The following PSEN1 variants were observed in gnomAD, a reference collection of about 807,000 sequenced individuals.
PSEN1 encodes the protein presenilin-1.
PSEN1 carries 15 observed loss-of-function variants against 53.5 expected under a neutral mutation model. The observed-to-expected ratio is 0.28, with a 90% CI of 0.19 to 0.43. The LOEUF is 0.43. Ranked by LOEUF, PSEN1 falls within the 20% of genes least tolerant of loss-of-function variation. PSEN1 has a pLI of 1.00. For missense variants in PSEN1, 387 were observed against 571.2 expected (o/e 0.68, Z 3.29); for synonymous variants, 208 against 209.8 (o/e 0.99, Z 0.08).
Position 73,222,154 on chromosome 14 carries a change from C to G in PSEN1, c.*2865C>G, listed in dbSNP as rs886050679. The G allele has an allele frequency of 6.6e-6, 1 of 152,158 alleles. No homozygotes were observed. Among genetic ancestry groups the G allele is most frequent in the Non-Finnish European group, 1.5e-5 (1 of 68,028 alleles). 9.4% of individuals were successfully genotyped at this position (152,158 alleles called of 1,614,324 possible). The stretch of plus-strand genomic sequence containing the variant: ...AGGTTCGTGTGTGTTCCTAGAATCA[C>G]AGCTCTGACTCCAAATGACTCAATT... On this transcript the variant is annotated 3_prime_UTR_variant, in exon 12 of 12. Transcript: ENST00000324501.
At chr14:73,179,201 C>G (rs1000309702) in intron 5 of PSEN1, among the ~76,000 whole-genome samples, 1 of 152,216 alleles carries the variant, frequency 6.6e-6, no homozygotes, top group Non-Finnish European at 1.5e-5. Flanking sequence ...GCCCCACTCT[C>G]TCGGGACTGA....
intron 1 of PSEN1, among the ~76,000 whole-genome samples, chr14:73,145,134 C>T (rs80024836): frequency 0.085 from 12,828 of 151,462 alleles, 637 homozygotes; most frequent in South Asian, 0.19. Context: ...CTCAAATGAT[C>T]TGTGTGCCTC....
Position 73,200,777 on chromosome 14 carries a change from G to A in PSEN1, c.868+2648G>A, listed in dbSNP as rs373483727. ...GTTTCAAGAAGGAGAGAGGCTGGGCGTGGTGGCTAACACCTGTAATCCCAG... is the reference window on the plus strand; with the variant it reads ...GTTTCAAGAAGGAGAGAGGCTGGGCATGGTGGCTAACACCTGTAATCCCAG... On this transcript the variant is annotated intron_variant, in intron 8 of 11. Transcript: ENST00000324501. Among the ~76,000 whole-genome samples, 188 of 152,216 alleles carry A rather than the reference G, an allele frequency of 1.2e-3. 1 individual carries two copies. Among genetic ancestry groups the A allele is most frequent in the African/African-American group, 4.4e-3 (181 of 41,540 alleles).
intron 3 of PSEN1, among the ~76,000 whole-genome samples, chr14:73,163,865 T>C (rs531943525): frequency 5.9e-5 from 9 of 152,064 alleles, no homozygotes; most frequent in Admixed American, 6.6e-5. Context: ...GATTTTGTTA[T>C]GAGCATGACA....
At chr14:73,182,693 C>T (rs2140064562) in intron 5 of PSEN1, among the ~76,000 whole-genome samples, 1 of 151,886 alleles carries the variant, frequency 6.6e-6, no homozygotes, top group Non-Finnish European at 1.5e-5. Context: ...CAAAAATCAC[C>T]TGGGCGTTGG....
intron 5 of PSEN1, among the ~76,000 whole-genome samples, chr14:73,184,058 T>TC (rs1327279069): frequency 3.4e-5 from 3 of 87,774 alleles, no homozygotes; most frequent in South Asian, 4.2e-4. Context: ...GGGGGGCTGA[T>TC]CCCCCCACCT....
chr14:73,205,506 T>C (rs913015158), intron 8 of PSEN1, among the ~76,000 whole-genome samples: 13 of 151,190 alleles, frequency 8.6e-5, no homozygotes, highest in African/African-American at 2.9e-4. Flanking sequence ...AAAAAATTAC[T>C]GTGACCAGAT....
chr14:73,182,635 G>C (rs1339933144), intron 5 of PSEN1, among the ~76,000 whole-genome samples: 3 of 152,218 alleles, frequency 2.0e-5, no homozygotes, highest in Non-Finnish European at 4.4e-5. Flanking sequence ...CTTGAGATCA[G>C]GAGTTCAAGA....
At chr14:73,136,727 G>A (rs1303578563) in intron 1 of PSEN1, 144 bp downstream of exon 1, 2 of 152,356 alleles carry the variant, frequency 1.3e-5, no homozygotes, top group Admixed American at 6.5e-5. Flanking sequence ...TTGGGGCTGG[G>A]GAACCCCGTG....
chr14:73,207,704 G>C (rs572284686), intron 9 of PSEN1, among the ~76,000 whole-genome samples: 1 of 152,338 alleles, frequency 6.6e-6, no homozygotes, highest in African/African-American at 2.4e-5. Context: ...CCTGAGATTT[G>C]CTCAGGCCCA....
At chr14:73,189,869 T>C in intron 6 of PSEN1, 1 of 225,914 alleles carries the variant, frequency 4.4e-6, no homozygotes, top group Non-Finnish European at 9.2e-6. Context: ...GCCCTTGACC[T>C]TTACCATGTG....
At position 73,222,967 on chromosome 14, in the gene PSEN1, T is replaced by C. The variant is rs1882665777; in HGVS notation, c.*3678T>C. Reference sequence around the variant, plus strand: ...TTGGTTTTGCCCTTGGGCTGGAAACTATCATATAATCATAAGTTTGAGCCT... The same window carrying C: ...TTGGTTTTGCCCTTGGGCTGGAAACCATCATATAATCATAAGTTTGAGCCT... On this transcript the variant is annotated 3_prime_UTR_variant, in exon 12 of 12. Transcript: ENST00000324501. 6.6e-6 allele frequency: 1 copy of C among 152,270 alleles called. No individual in the cohort carries two copies. 9.4% of individuals were successfully genotyped at this position (152,270 alleles called of 1,614,324 possible).
intron 3 of PSEN1, among the ~76,000 whole-genome samples, chr14:73,152,367 T>C (rs897444408): frequency 6.6e-6 from 1 of 151,014 alleles, no homozygotes; most frequent in Non-Finnish European, 1.5e-5. Context: ...TCCCAGCACT[T>C]TGGGAGGCCG....
chr14:73,216,543 G>T (rs1034833172), intron 10 of PSEN1, among the ~76,000 whole-genome samples: 13 of 152,122 alleles, frequency 8.5e-5, no homozygotes, highest in Admixed American at 7.9e-4. Flanking sequence ...GGTGGATCAT[G>T]AGGTCAGGAG....
intron 3 of PSEN1, chr14:73,168,114 GGGA>G (rs1032631606): frequency 2.0e-5 from 3 of 152,174 alleles, no homozygotes; most frequent in Non-Finnish European, 4.4e-5. Flanking sequence ...CCAGCACTTT[GGGA>G]GACCGAGGCA....
intron 10 of PSEN1, among the ~76,000 whole-genome samples, chr14:73,215,670 A>C (rs980267860): frequency 7.2e-5 from 11 of 152,236 alleles, no homozygotes; most frequent in Non-Finnish European, 1.6e-4. Context: ...ACGATAGCCC[A>C]AATTTAAGAT....
chr14:73,187,500 C>A (rs1215891353), intron 6 of PSEN1, among the ~76,000 whole-genome samples: 17 of 152,094 alleles, frequency 1.1e-4, no homozygotes, highest in Admixed American at 1.0e-3. Flanking sequence ...AGAGTTATTT[C>A]TTTGGTAGAG....
At chr14:73,182,031 C>G (rs1241807880) in intron 5 of PSEN1, among the ~76,000 whole-genome samples, 1 of 152,170 alleles carries the variant, frequency 6.6e-6, no homozygotes, top group African/African-American at 2.4e-5. Context: ...GTCTCAGCCT[C>G]CCAAACTGCT....
chr14:73,147,044 CTTT>C (rs75227261), intron 1 of PSEN1, among the ~76,000 whole-genome samples: 1 of 138,336 alleles, frequency 7.2e-6, no homozygotes. Context: ...GTCAGCCATT[CTTT>C]TTTTTTTTTT....
Sources: gnomAD v4.1 joint callset for allele counts (sites outside exome capture counted in the v4.1 genomes callset) on GRCh38, gnomAD v4.1.1 for gene constraint, MANE v1.5 for transcripts, NCBI Gene and HGNC (gene_info 2026-07-23, HGNC 2026-07-21) for gene names.